TRIM24: variants seen among roughly 807,000 people sequenced by gnomAD.
TRIM24 encodes the protein tripartite motif containing 24, also known as transcription intermediary factor 1-alpha.
In TRIM24, 29 loss-of-function variants were observed where a neutral mutation model predicts 123.9. That is an observed-to-expected ratio of 0.23 (90% CI 0.17 to 0.32). The LOEUF (loss-of-function observed/expected upper bound fraction) is 0.32, where lower values mean the gene tolerates loss of function less well. Ranked by LOEUF, TRIM24 falls within the 10% of genes least tolerant of loss-of-function variation. TRIM24 has a pLI of 1.00. For synonymous variants in TRIM24, 456 were observed against 461.1 expected, an observed-to-expected ratio of 0.99 and a Z score of 0.14; for missense variants, 932 against 1,295.3, an observed-to-expected ratio of 0.72 and a Z score of 4.31.
chr7:138,460,903 G>A lies in TRIM24; in HGVS notation c.355G>A (p.Ala119Thr). The part of the protein sequence containing the change: ...GSPVSGSSPF[A>T]TQVGVIRCPV... ...GCCGGTCAGCGGCTCGTCGCCGTTC[G>A]CCACCCAAGGTGAGAACCGGCCGCG... The change falls in exon 1 of 19, where the codon GCC (alanine) becomes ACC (threonine). Residue 119 changes from alanine to threonine, a missense_variant. This residue lies in a region of TRIM24 where 164 missense variants were observed against 181.9 expected (regional missense o/e 0.90). Transcript: ENST00000343526. 1.3e-6 allele frequency: 2 copies of A among 1,500,476 alleles called. No individual in the cohort carries two copies. Among genetic ancestry groups the A allele is most frequent in the Non-Finnish European group, 1.8e-6 (2 of 1,133,376 alleles). The allele number at this position is 1,500,476 out of a possible 1,614,324, so 92.9% of individuals were successfully genotyped here.
intron 1 of TRIM24, among the ~76,000 whole-genome samples, chr7:138,502,770 T>C (rs184498703): frequency 2.0e-3 from 308 of 152,356 alleles, no homozygotes; most frequent in Non-Finnish European, 3.1e-3. Context: ...TCTTTGCCAG[T>C]ACTGTGTGTT....
At chr7:138,468,985 T>C (rs1795211721) in intron 1 of TRIM24, among the ~76,000 whole-genome samples, 1 of 152,198 alleles carries the variant, frequency 6.6e-6, no homozygotes, top group Non-Finnish European at 1.5e-5. Context: ...AGGGGGCTTA[T>C]TCACCTGAGC....
intron 1 of TRIM24, among the ~76,000 whole-genome samples, chr7:138,477,707 T>C (rs527823087): frequency 2.0e-4 from 30 of 152,180 alleles, no homozygotes; most frequent in Non-Finnish European, 2.8e-4. Context: ...TCAGGTTTCA[T>C]GTGAGGTAAA....
At chr7:138,517,562 C>T (rs943545053) in intron 3 of TRIM24, among the ~76,000 whole-genome samples, 1 of 151,904 alleles carries the variant, frequency 6.6e-6, no homozygotes, top group South Asian at 2.1e-4. Flanking sequence ...TTAGTAGAGA[C>T]GGGGTTTCAC....
In TRIM24 at chr7:138,497,694, CTGTT is replaced by C. The variant is rs573988661; in HGVS notation, c.365-6595_365-6592del. Among the ~76,000 whole-genome samples the C allele has an allele frequency of 4.6e-3, 704 of 151,842 alleles. 6 individuals carry two copies. The highest frequency in any genetic ancestry group is 0.015 in the African/African-American group (628 of 41,372). On this transcript the variant is annotated intron_variant, in intron 1 of 18. Transcript: ENST00000343526. The stretch of plus-strand genomic sequence containing the variant: ...ACAAGTGTGAATCACCGCGCCCAGC[CTGTT>C]GTTGGTTTTTGAGACAGGGTCTGGC...
At chr7:138,565,429 TGCTTAG>T (rs1797516397) in intron 9 of TRIM24, among the ~76,000 whole-genome samples, 1 of 151,680 alleles carries the variant, frequency 6.6e-6, no homozygotes, top group African/African-American at 2.4e-5. Context: ...ATCCTGTTCC[TGCTTAG>T]GTTCCATTGT....
intron 7 of TRIM24, among the ~76,000 whole-genome samples, chr7:138,541,527 T>C (rs1384316903): frequency 6.6e-6 from 1 of 152,246 alleles, no homozygotes; most frequent in Non-Finnish European, 1.5e-5. Flanking sequence ...GTAGATGTGC[T>C]GTAATCCCGG....
intron 1 of TRIM24, among the ~76,000 whole-genome samples, chr7:138,489,619 A>T (rs1795733720): frequency 6.6e-6 from 1 of 152,132 alleles, no homozygotes; most frequent in East Asian, 1.9e-4. Flanking sequence ...GCTTGGTTTG[A>T]CTGGATGTGA....
intron 1 of TRIM24, among the ~76,000 whole-genome samples, chr7:138,474,346 C>G (rs909524900): frequency 3.3e-5 from 5 of 151,526 alleles, no homozygotes; most frequent in Admixed American, 2.0e-4. Flanking sequence ...AGGATGGTCT[C>G]TATCTCCTGA....
At chr7:138,497,393 C>CTTTTTTTT (rs869232002) in intron 1 of TRIM24, among the ~76,000 whole-genome samples, 13 of 88,320 alleles carry the variant, frequency 1.5e-4, no homozygotes, top group African/African-American at 5.5e-4. Context: ...ATTACAATTT[C>CTTTTTTTT]TTTTTTTTTT....
chr7:138,568,103 AC>A (rs1797572347), intron 10 of TRIM24, among the ~76,000 whole-genome samples: 1 of 152,020 alleles, frequency 6.6e-6, no homozygotes, highest in Non-Finnish European at 1.5e-5. Flanking sequence ...TTAATATGAT[AC>A]AGCTTATTTA....
chr7:138,563,052 A>G (rs1282367934), intron 9 of TRIM24, among the ~76,000 whole-genome samples: 2 of 152,132 alleles, frequency 1.3e-5, no homozygotes, highest in East Asian at 3.9e-4. Context: ...CAATAGTTGT[A>G]TAGTTTTTGG....
chr7:138,580,990 T>C (rs1797883747), intron 16 of TRIM24, among the ~76,000 whole-genome samples: 1 of 152,212 alleles, frequency 6.6e-6, no homozygotes, highest in Admixed American at 6.5e-5. Context: ...TATTTCCTAC[T>C]ATAGATAAGA....
chr7:138,571,887 A>G (rs1475752602), intron 11 of TRIM24, among the ~76,000 whole-genome samples: 1 of 152,084 alleles, frequency 6.6e-6, no homozygotes, highest in Non-Finnish European at 1.5e-5. Flanking sequence ...ACTATTCCAA[A>G]GGCAGAAAGT....
intron 10 of TRIM24, among the ~76,000 whole-genome samples, chr7:138,570,450 A>T (rs1286539592): frequency 6.6e-6 from 1 of 152,224 alleles, no homozygotes; most frequent in Non-Finnish European, 1.5e-5. Flanking sequence ...TCTGTAGCTT[A>T]GTATTTTCAA....
chr7:138,579,550 T>C lies in TRIM24; in HGVS notation c.2585+18T>C, dbSNP rs1797849363. 1.3e-6 allele frequency: 2 copies of C among 1,546,666 alleles called. No homozygotes were observed. Among genetic ancestry groups the C allele is most frequent in the Non-Finnish European group, 1.8e-6 (2 of 1,142,504 alleles). Reference sequence around the variant, plus strand: ...TTTCCAAGGTAAGATAGTACTTCCCTTCCCACATTCTTTTACTGTAAACTT... The same window carrying C: ...TTTCCAAGGTAAGATAGTACTTCCCCTCCCACATTCTTTTACTGTAAACTT... On this transcript the variant is annotated intron_variant, in intron 15 of 18. Transcript: ENST00000343526.
chr7:138,488,107 C>T (rs941063572), intron 1 of TRIM24, among the ~76,000 whole-genome samples: 3 of 152,124 alleles, frequency 2.0e-5, no homozygotes, highest in African/African-American at 7.2e-5. Flanking sequence ...TCCATTTCTT[C>T]TAGATTTTCT....
At chr7:138,501,010 GTGCTTGCAGGACTGTAATT>G (rs1447180985) in intron 1 of TRIM24, among the ~76,000 whole-genome samples, 1 of 152,038 alleles carries the variant, frequency 6.6e-6, no homozygotes, top group Non-Finnish European at 1.5e-5. Context: ...TATCATGGTG[GTGCTTGCAGGACTGTAATT>G]TGCTCTGAAT....
chr7:138,498,023 T>C (rs1168563867), intron 1 of TRIM24, among the ~76,000 whole-genome samples: 1 of 148,952 alleles, frequency 6.7e-6, no homozygotes, highest in Admixed American at 6.7e-5. Context: ...TATTTTTACT[T>C]ATTTATTTAT....
Sources: gnomAD v4.1 joint callset for allele counts (sites outside exome capture counted in the v4.1 genomes callset) on GRCh38, gnomAD v4.1.1 for gene constraint, gnomAD v4.1.1 regional missense constraint, MANE v1.5 for transcripts, NCBI Gene and HGNC (gene_info 2026-07-23, HGNC 2026-07-21) for gene names.